SEMA5A: variants seen among roughly 807,000 people sequenced by gnomAD.
SEMA5A encodes semaphorin 5A, also known as semaphorin-5A.
A neutral mutation model predicts 135.5 loss-of-function variants in SEMA5A; 55 were observed. The ratio of observed to expected loss-of-function variants is 0.41; its 90% CI spans 0.33 to 0.51. The LOEUF is 0.51. Ranked by LOEUF, SEMA5A falls within the 20% of genes least tolerant of loss-of-function variation. The pLI, the probability that SEMA5A is intolerant of heterozygous loss-of-function variation, is 0.37. For synonymous variants in SEMA5A, 580 were observed against 546.5 expected (o/e 1.06, Z -0.85); for missense variants, 1,290 against 1,419.9 (o/e 0.91, Z 1.47).
chr5:9,136,714 A>G (rs927471754), intron 12 of SEMA5A, 93 bp from the exon 13 acceptor site: 1 of 1,027,886 alleles, frequency 9.7e-7, no homozygotes, highest in Non-Finnish European at 1.5e-6. Flanking sequence ...GCAGAGAGGT[A>G]TGGGATTTCT....
At chr5:9,415,898 A>G (rs1477945421) in intron 2 of SEMA5A, among the ~76,000 whole-genome samples, 2 of 152,208 alleles carry the variant, frequency 1.3e-5, no homozygotes, top group East Asian at 3.8e-4. Flanking sequence ...CCATTGTTGG[A>G]CAACTTTCTT....
intron 1 of SEMA5A, among the ~76,000 whole-genome samples, chr5:9,508,324 A>G (rs1035309975): frequency 2.0e-5 from 3 of 152,140 alleles, no homozygotes; most frequent in African/African-American, 7.2e-5. Flanking sequence ...AATCGTGTAC[A>G]TCAAGCCTCC....
intron 11 of SEMA5A, among the ~76,000 whole-genome samples, chr5:9,157,369 T>A (rs1743013616): frequency 6.6e-6 from 1 of 152,180 alleles, no homozygotes. Flanking sequence ...AACTCAACCG[T>A]TAGGGACTGG....
chr5:9,292,660 C>A (rs1239506015), intron 5 of SEMA5A, among the ~76,000 whole-genome samples: 1 of 150,272 alleles, frequency 6.7e-6, no homozygotes, highest in Non-Finnish European at 1.5e-5. Context: ...GCAAAAAAAA[C>A]CATGTTTGTT....
At position 9,350,402 on chromosome 5, in the gene SEMA5A, CTT is replaced by C. The variant is rs373131105; in HGVS notation, c.125-12592_125-12591del. Among the ~76,000 whole-genome samples the C allele has an allele frequency of 1.2e-3, 176 of 152,292 alleles. 3 individuals are homozygous for C. The Middle Eastern group carries it at 0.014, about 12-fold the overall frequency. ...AGCATGTTCCAAGAGAGTGTCTGGT[CTT>C]TGACTGGCTGCTGGGAAATAATATC... is the stretch of plus-strand genomic sequence containing the variant. On this transcript the variant is annotated intron_variant, in intron 3 of 22. Coordinates refer to ENST00000382496, the MANE Select transcript of SEMA5A (RefSeq NM_003966.3).
intron 1 of SEMA5A, among the ~76,000 whole-genome samples, chr5:9,488,086 A>G (rs1213090563): frequency 6.6e-6 from 1 of 152,162 alleles, no homozygotes; most frequent in Non-Finnish European, 1.5e-5. Context: ...TCATTTCACC[A>G]CCTTTAAGGG....
chr5:9,114,491 T>G (rs1443597008), intron 15 of SEMA5A, among the ~76,000 whole-genome samples: 1 of 151,964 alleles, frequency 6.6e-6, no homozygotes, highest in Non-Finnish European at 1.5e-5. Flanking sequence ...AAAAGCACAG[T>G]AAAAACTTAA....
intron 3 of SEMA5A, among the ~76,000 whole-genome samples, chr5:9,351,496 G>A (rs1754115559): frequency 6.6e-6 from 1 of 151,154 alleles, no homozygotes; most frequent in Non-Finnish European, 1.5e-5. Context: ...AACATAAGAA[G>A]TTTATTGCCT....
chr5:9,490,382 T>G lies in SEMA5A; in HGVS notation c.-174-52530A>C, dbSNP rs546559900. Among the ~76,000 whole-genome samples, 58 of 152,166 alleles carry G rather than the reference T, an allele frequency of 3.8e-4. 1 individual carries two copies. In the South Asian group the frequency reaches 0.01, roughly 27 times the overall value. On this transcript the variant is annotated intron_variant, in intron 1 of 22. Coordinates refer to ENST00000382496, the MANE Select transcript of SEMA5A (RefSeq NM_003966.3). ...AGACTGTAAATCAGATGTTTAGGAC[T>G]GAGAAAGAAGAAAATAGAAGATCAT...
Position 9,454,483 on chromosome 5 carries a change from G to C in SEMA5A, c.-174-16631C>G, listed in dbSNP as rs541656266. Among the ~76,000 whole-genome samples the C allele has an allele frequency of 1.7e-3, 260 of 152,286 alleles. 1 individual carries two copies. Among genetic ancestry groups the C allele is most frequent in the African/African-American group, 6.1e-3 (253 of 41,554 alleles). On this transcript the variant is annotated intron_variant, in intron 1 of 22. Transcript: ENST00000382496. ...TCTGTTCTGTGTTGAATTGAAAAAG[G>C]TTTTCTTGCTACAAAATGTGTAAAG...
At chr5:9,241,624 C>A (rs1035769749) in intron 5 of SEMA5A, among the ~76,000 whole-genome samples, 1 of 151,308 alleles carries the variant, frequency 6.6e-6, no homozygotes, top group Non-Finnish European at 1.5e-5. Context: ...CTGCATAAAT[C>A]CTGGGTATGC....
rs1202074790 is a variant in SEMA5A, at chr5:9,035,150, C to T, written c.*7747G>A. The T allele has an allele frequency of 1.3e-5, 2 of 152,350 alleles. No homozygotes were observed. The highest frequency in any genetic ancestry group is 4.8e-5 in the African/African-American group (2 of 41,400). 9.4% of individuals were successfully genotyped at this position (152,350 alleles called of 1,614,324 possible). A position where few individuals can be genotyped will look rare whatever the true frequency, so the allele number is the denominator to read the frequency against. ...ATTTATACTGTACACAATCAGGATT[C>T]CCTTGTTTTGTTCCCCCCACAAATG... On this transcript the variant is annotated 3_prime_UTR_variant, in exon 23 of 23. Coordinates refer to ENST00000382496, the MANE Select transcript of SEMA5A (RefSeq NM_003966.3).
chr5:9,141,252 G>A (rs1047407509), intron 12 of SEMA5A, among the ~76,000 whole-genome samples: 1 of 152,186 alleles, frequency 6.6e-6, no homozygotes, highest in South Asian at 2.1e-4. Flanking sequence ...AAAATCATGG[G>A]TTTCCAATTA....
At chr5:9,051,302 G>T (rs150053045) in intron 20 of SEMA5A, among the ~76,000 whole-genome samples, 4 of 152,170 alleles carry the variant, frequency 2.6e-5, no homozygotes, top group African/African-American at 7.2e-5. Context: ...GGACATATGC[G>T]CAATGATCTA....
chr5:9,488,490 C>T (rs545790532), intron 1 of SEMA5A, among the ~76,000 whole-genome samples: 5 of 152,294 alleles, frequency 3.3e-5, no homozygotes, highest in Middle Eastern at 3.4e-3. Context: ...ATCATTCTGT[C>T]CTATTATCAG....
intron 1 of SEMA5A, among the ~76,000 whole-genome samples, chr5:9,487,836 T>C (rs268521): frequency 0.97 from 147,385 of 152,202 alleles, 71,605 homozygotes; most frequent in Non-Finnish European, 0.99. Flanking sequence ...TATATATGAA[T>C]GAGCAATTGT....
intron 1 of SEMA5A, among the ~76,000 whole-genome samples, chr5:9,471,338 C>T (rs746333720): frequency 9.9e-5 from 15 of 152,056 alleles, no homozygotes; most frequent in South Asian, 4.1e-4. Context: ...TGAAGAGGAA[C>T]GAGGCAAAGG....
intron 16 of SEMA5A, among the ~76,000 whole-genome samples, chr5:9,093,617 G>C (rs906385377): frequency 1.3e-5 from 2 of 151,992 alleles, no homozygotes; most frequent in Non-Finnish European, 2.9e-5. Context: ...TGAGGCAGGA[G>C]AATCGGTTGA....
At chr5:9,358,198 T>A (rs1754536791) in intron 3 of SEMA5A, among the ~76,000 whole-genome samples, 1 of 152,140 alleles carries the variant, frequency 6.6e-6, no homozygotes, top group African/African-American at 2.4e-5. Flanking sequence ...GCCTGGGCGC[T>A]CCAGTCAGCA....
Sources: gnomAD v4.1 joint callset for allele counts (sites outside exome capture counted in the v4.1 genomes callset) on GRCh38, gnomAD v4.1.1 for gene constraint, MANE v1.5 for transcripts, NCBI Gene and HGNC (gene_info 2026-07-23, HGNC 2026-07-21) for gene names.